The following BORA variants were observed in gnomAD, a reference collection of about 807,000 sequenced individuals.
BORA encodes the protein BORA aurora kinase A activator, also known as protein aurora borealis.
Under a neutral mutation model 55.8 loss-of-function variants are expected in BORA, and 26 were observed. That is an observed-to-expected ratio of 0.47 (90% CI 0.34 to 0.65). The LOEUF (loss-of-function observed/expected upper bound fraction) is 0.65. Ranked by LOEUF, BORA falls within the 30% of genes least tolerant of loss-of-function variation. BORA has a pLI of 0.01. For missense variants in BORA, 568 were observed against 671.5 expected (o/e 0.85, Z 1.70); for synonymous variants, 201 against 216.9 (o/e 0.93, Z 0.64).
intron 2 of BORA, among the ~76,000 whole-genome samples, chr13:72,729,550 TTC>T (rs2032766521): frequency 6.6e-6 from 1 of 152,228 alleles, no homozygotes; most frequent in African/African-American, 2.4e-5. Flanking sequence ...GTCACAAACT[TTC>T]TGTTAGGGGC....
Position 72,748,728 on chromosome 13 carries a change from TTC to T in BORA, c.1482+1647_1482+1648del, listed in dbSNP as rs58975643. Among the ~76,000 whole-genome samples the T allele has an allele frequency of 3.2e-3, 435 of 137,796 alleles. 2 individuals carry two copies. Among genetic ancestry groups the T allele is most frequent in the African/African-American group, 9.9e-3 (402 of 40,758 alleles). The allele number at this position is 137,796 out of a possible 152,430, so 90.4% of individuals were successfully genotyped here. A position where few individuals can be genotyped will look rare whatever the true frequency, so the allele number is the denominator to read the frequency against. On this transcript the variant is annotated intron_variant, in intron 10 of 11. Transcript: ENST00000390667. Reference sequence around the variant, plus strand: ...CTTTTACTCTCTGCCTTTTTTCACTTTCTCTCTCTCTCTCTCTCTCTCTCTCT... The same window carrying T: ...CTTTTACTCTCTGCCTTTTTTCACTTTCTCTCTCTCTCTCTCTCTCTCTCT...
At chr13:72,738,263 A>G (rs1236484462) in intron 5 of BORA, among the ~76,000 whole-genome samples, 1 of 152,064 alleles carries the variant, frequency 6.6e-6, no homozygotes, top group Non-Finnish European at 1.5e-5. Context: ...TTTCTTCATG[A>G]CTATTGTGAA....
At chr13:72,748,080 G>T (rs2033189687) in intron 10 of BORA, among the ~76,000 whole-genome samples, 1 of 152,150 alleles carries the variant, frequency 6.6e-6, no homozygotes, top group Non-Finnish European at 1.5e-5. Context: ...TTAGTCAGAA[G>T]GGGATAGCAA....
chr13:72,749,612 T>G (rs913816029), intron 10 of BORA, among the ~76,000 whole-genome samples: 1 of 152,098 alleles, frequency 6.6e-6, no homozygotes, highest in East Asian at 1.9e-4. Flanking sequence ...TTGAAATGCG[T>G]TCGGTACTAA....
At chr13:72,736,199 CT>C (rs1401055216) in intron 4 of BORA, among the ~76,000 whole-genome samples, 2 of 151,992 alleles carry the variant, frequency 1.3e-5, no homozygotes, top group Non-Finnish European at 2.9e-5. Flanking sequence ...TGAAAAAATA[CT>C]TTCTTTAAGA....
At chr13:72,730,592 C>T (rs1415601378) in intron 2 of BORA, among the ~76,000 whole-genome samples, 1 of 152,120 alleles carries the variant, frequency 6.6e-6, no homozygotes, top group African/African-American at 2.4e-5. Flanking sequence ...ATTTCAGTTC[C>T]TTCTTAGTGA....
chr13:72,746,071 T>C lies in BORA; in HGVS notation c.866T>C (p.Leu289Pro). The C allele has an allele frequency of 6.2e-7, 1 of 1,608,912 alleles. No individual in the cohort carries two copies. The highest frequency in any genetic ancestry group is 8.5e-7 in the Non-Finnish European group (1 of 1,175,836). The change falls in exon 9 of 12, where the codon CTC (leucine) becomes CCC (proline). Residue 289 changes from leucine (L) to proline (P), a missense_variant. Leu to Pro is a moderately conservative substitution (Grantham distance 98). Coordinates refer to ENST00000390667, the MANE Select transcript of BORA (RefSeq NM_024808.5). ...GAATTTCAGATAGGAGAGACTCCAC[T>C]CTCAGGTATGTCTCATAATAAAATA... Reference protein sequence around the residue: ...PIEFQIGETPLSEQRKFTVHS... With the variant: ...PIEFQIGETPPSEQRKFTVHS...
intron 10 of BORA, among the ~76,000 whole-genome samples, chr13:72,748,400 C>G (rs892223436): frequency 2.0e-5 from 3 of 152,184 alleles, no homozygotes; most frequent in Non-Finnish European, 4.4e-5. Context: ...ATACCAGGCA[C>G]TCTTCTAACC....
At chr13:72,730,612 C>T (rs767555596) in intron 2 of BORA, among the ~76,000 whole-genome samples, 22 of 152,100 alleles carry the variant, frequency 1.4e-4, no homozygotes, top group Non-Finnish European at 3.1e-4. Flanking sequence ...AAAGTAAAGA[C>T]GTTTGTTAAC....
chr13:72,747,926 C>G (rs947414626), intron 10 of BORA, among the ~76,000 whole-genome samples: 1 of 152,112 alleles, frequency 6.6e-6, no homozygotes, highest in Admixed American at 6.5e-5. Context: ...TCCAATTTTG[C>G]AATGTCTCTG....
intron 2 of BORA, among the ~76,000 whole-genome samples, chr13:72,729,327 A>G (rs2032760466): frequency 6.6e-6 from 1 of 151,986 alleles, no homozygotes; most frequent in Admixed American, 6.6e-5. Flanking sequence ...AGCTTCCTGC[A>G]GTTGTGGGTG....
chr13:72,737,351 T>C (rs78521980), intron 4 of BORA, among the ~76,000 whole-genome samples: 16,001 of 152,226 alleles, frequency 0.11, 1,142 homozygotes, highest in Non-Finnish European at 0.16. Flanking sequence ...GGCACACCAT[T>C]ATATGTAGGA....
rs141896610 is a variant in BORA, at chr13:72,755,466, T to C, written c.*250T>C. 568 of 461,844 alleles carry C rather than the reference T, an allele frequency of 1.2e-3. 5 individuals carry two copies. The Middle Eastern group carries it at 0.013, about 10-fold the overall frequency. The allele number at this position is 461,844 out of a possible 1,614,324, so 28.6% of individuals were successfully genotyped here. ...TTATACTTACATTGAGTGATGTGTT[T>C]AACAACAAATTGTGACAGAGCTGAG... On this transcript the variant is annotated 3_prime_UTR_variant, in exon 12 of 12. Transcript: ENST00000390667.
chr13:72,756,178 T>TAATTC lies in BORA; in HGVS notation c.*964_*965insTTCAA. ...AAAAACTGTCTCATTCAAAAGGGAATAAAGACCTGTGTTATCAATGTGTCA... is the reference window on the plus strand; with the variant it reads ...AAAAACTGTCTCATTCAAAAGGGAATAATTCAAAGACCTGTGTTATCAATGTGTCA... On this transcript the variant is annotated 3_prime_UTR_variant, in exon 12 of 12. Coordinates refer to ENST00000390667, the MANE Select transcript of BORA (RefSeq NM_024808.5). 2.7e-6 allele frequency: 1 copy of TAATTC among 365,622 alleles called. No homozygotes were observed. The highest frequency in any genetic ancestry group is 4.8e-6 in the Non-Finnish European group (1 of 206,392). 22.6% of individuals were successfully genotyped at this position (365,622 alleles called of 1,614,324 possible).
At position 72,746,810 on chromosome 13, in the gene BORA, C is replaced by T. The variant is rs2033158848; in HGVS notation, c.1181C>T (p.Thr394Ile). The T allele has an allele frequency of 1.2e-6, 2 of 1,614,160 alleles. No homozygotes were observed. Among genetic ancestry groups the T allele is most frequent in the Non-Finnish European group, 1.7e-6 (2 of 1,180,014 alleles). The change falls in exon 10 of 12, where the codon ACC becomes ATC. Residue 394 changes from threonine (T) to isoleucine (I), a missense_variant. Coordinates refer to ENST00000390667, the MANE Select transcript of BORA (RefSeq NM_024808.5). ...CGGCAGTTTAGTAATGAGGCTTCTACCCATGGTACACATTTGGTTGTGACT... is the reference window on the plus strand; with the variant it reads ...CGGCAGTTTAGTAATGAGGCTTCTATCCATGGTACACATTTGGTTGTGACT... ...HLRQFSNEAS[T>I]HGTHLVVTAM... is the part of the protein sequence containing the mutation.
At position 72,747,115 on chromosome 13, in the gene BORA, A is replaced by AG. The variant is rs1160987694; in HGVS notation, c.1482+6dup. ...TTGTGAAAGCAGTAACATTCAGGTA[A>AG]GGTATTTAATATTCTATAGCCCCTT... On this transcript the variant is annotated splice_donor_region_variant and intron_variant, in intron 10 of 11. Transcript: ENST00000390667. 3 of 1,612,220 alleles carry AG rather than the reference A, an allele frequency of 1.9e-6. No homozygotes were observed. Among genetic ancestry groups the AG allele is most frequent in the Non-Finnish European group, 2.5e-6 (3 of 1,179,562 alleles).
chr13:72,740,373 G>A (rs1187895148), intron 5 of BORA, among the ~76,000 whole-genome samples: 3 of 152,270 alleles, frequency 2.0e-5, no homozygotes, highest in Middle Eastern at 3.4e-3. Context: ...ATGTTCACCT[G>A]TTAGTTGCCA....
chr13:72,733,583 GT>G (rs1326552306), intron 3 of BORA, among the ~76,000 whole-genome samples: 1 of 152,164 alleles, frequency 6.6e-6, no homozygotes, highest in East Asian at 1.9e-4. Context: ...TCTGAATGCA[GT>G]AATCCTAGTT....
chr13:72,753,332 TAG>T (rs2033331871), intron 10 of BORA: 1 of 168,584 alleles, frequency 5.9e-6, no homozygotes, highest in Admixed American at 6.0e-5. Flanking sequence ...TCAAGCCATT[TAG>T]AGACAAGCCT....
Sources: gnomAD v4.1 joint callset for allele counts (sites outside exome capture counted in the v4.1 genomes callset) on GRCh38, gnomAD v4.1.1 for gene constraint, MANE v1.5 for transcripts, NCBI Gene and HGNC (gene_info 2026-07-23, HGNC 2026-07-21) for gene names.